Variants in MGAT4C observed in about 807,000 individuals in gnomAD.
The protein encoded by MGAT4C is MGAT4 family member C, also known as alpha-1,3-mannosyl-glycoprotein 4-beta-N-acetylglucosaminyltransferase C.
In MGAT4C, 19 loss-of-function variants were observed where a neutral mutation model predicts 40.1. The observed-to-expected ratio is 0.47, with a 90% CI of 0.33 to 0.70. MGAT4C has a LOEUF of 0.70. MGAT4C is among the 30% of genes least tolerant of loss of function. MGAT4C has a pLI of 0.02. For missense variants in MGAT4C, 491 were observed against 563.2 expected (o/e 0.87, Z 1.30); for synonymous variants, 181 against 187.1 (o/e 0.97, Z 0.27).
chr12:86,208,973 T>G (rs1407649431), intron 1 of MGAT4C, among the ~76,000 whole-genome samples: 2 of 152,168 alleles, frequency 1.3e-5, no homozygotes, highest in Non-Finnish European at 2.9e-5. Flanking sequence ...GATTCTCAAT[T>G]TTTCATTTGT....
chr12:86,184,001 G>A lies in MGAT4C; in HGVS notation c.-57+72238C>T, dbSNP rs138912372. 2.6e-4 allele frequency among the ~76,000 whole-genome samples: 40 copies of A among 152,214 alleles called. 1 individual carries two copies. Among genetic ancestry groups the A allele is most frequent in the African/African-American group, 8.4e-4 (35 of 41,530 alleles). On this transcript the variant is annotated intron_variant, in intron 1 of 4. Transcript: ENST00000611864. ...TATTGAAGAGAACAACGATTTGGTCGTCTGTGTGTATTCCATGTGTATATT... is the reference window on the plus strand; with the variant it reads ...TATTGAAGAGAACAACGATTTGGTCATCTGTGTGTATTCCATGTGTATATT...
At chr12:86,279,458 T>C (rs779424703) in intron 4 of MGAT4C, among the ~76,000 whole-genome samples, 3 of 152,148 alleles carry the variant, frequency 2.0e-5, no homozygotes, top group Admixed American at 2.0e-4. Flanking sequence ...TTCCTCATAG[T>C]AGCCACAAGT....
chr12:86,720,774 A>G (rs1950723479), intron 2 of MGAT4C, among the ~76,000 whole-genome samples: 1 of 152,234 alleles, frequency 6.6e-6, no homozygotes, highest in Non-Finnish European at 1.5e-5. Context: ...TAGCATGTTA[A>G]AAATGAAATT....
intron 1 of MGAT4C, among the ~76,000 whole-genome samples, chr12:86,096,527 A>G (rs2135584455): frequency 6.6e-6 from 1 of 150,458 alleles, no homozygotes; most frequent in East Asian, 2.0e-4. Context: ...TGTTTCTTCA[A>G]GTTTTACCTT....
chr12:86,207,882 A>G (rs1417647507), intron 1 of MGAT4C, among the ~76,000 whole-genome samples: 1 of 152,242 alleles, frequency 6.6e-6, no homozygotes, highest in African/African-American at 2.4e-5. Context: ...GGATATAAAA[A>G]TAGTAAGAAT....
At position 85,973,679 on chromosome 12, in the gene MGAT4C, G is replaced by T. The variant is rs369332317; in HGVS notation, c.*5610C>A. On this transcript the variant is annotated 3_prime_UTR_variant, in exon 5 of 5. Transcript: ENST00000611864. ...ATCATGCTATATTCTTAATTTAATT[G>T]TACTTCTATGGTCATATACAATTTA... 2 of 150,550 alleles carry T rather than the reference G, an allele frequency of 1.3e-5. No homozygotes were observed. The highest frequency in any genetic ancestry group is 4.9e-5 in the African/African-American group (2 of 41,186). The allele number at this position is 150,550 out of a possible 1,614,324, so 9.3% of individuals were successfully genotyped here. A position where few individuals can be genotyped will look rare whatever the true frequency, so the allele number is the denominator to read the frequency against.
chr12:86,244,332 G>T (rs1175447877), intron 1 of MGAT4C, among the ~76,000 whole-genome samples: 2 of 152,144 alleles, frequency 1.3e-5, no homozygotes, highest in Admixed American at 1.3e-4. Flanking sequence ...CACCATTGGG[G>T]CAGGAGACAG....
At chr12:86,575,924 T>A (rs563424162) in intron 2 of MGAT4C, among the ~76,000 whole-genome samples, 2 of 151,816 alleles carry the variant, frequency 1.3e-5, no homozygotes, top group Admixed American at 6.6e-5. Context: ...TCCATAGTGA[T>A]TTTACTAATT....
intron 2 of MGAT4C, among the ~76,000 whole-genome samples, chr12:86,724,500 G>A (rs1950790119): frequency 6.6e-6 from 1 of 152,122 alleles, no homozygotes; most frequent in South Asian, 2.1e-4. Context: ...ATTATATGGG[G>A]TATTTAAACA....
At chr12:86,750,928 G>T (rs1951223035) in intron 1 of MGAT4C, among the ~76,000 whole-genome samples, 1 of 151,904 alleles carries the variant, frequency 6.6e-6, no homozygotes, top group Admixed American at 6.6e-5. Context: ...AAGGAGTATG[G>T]CCTGGTCAGC....
chr12:86,651,883 T>G (rs1963708187), intron 2 of MGAT4C, among the ~76,000 whole-genome samples: 3 of 151,862 alleles, frequency 2.0e-5, no homozygotes, highest in Admixed American at 2.0e-4. Context: ...TGTTAAGGAT[T>G]ATTTTTAATT....
intron 2 of MGAT4C, among the ~76,000 whole-genome samples, chr12:86,006,452 T>A (rs1887886039): frequency 6.6e-6 from 1 of 152,130 alleles, no homozygotes; most frequent in South Asian, 2.1e-4. Context: ...TGGTCCTCAA[T>A]GAGCAAAAGA....
At chr12:86,408,083 C>A (rs922154603) in intron 3 of MGAT4C, among the ~76,000 whole-genome samples, 1 of 151,442 alleles carries the variant, frequency 6.6e-6, no homozygotes, top group African/African-American at 2.4e-5. Flanking sequence ...GGTATCAAGA[C>A]ACACACACAC....
At chr12:86,283,969 C>T (rs1953284099) in intron 4 of MGAT4C, among the ~76,000 whole-genome samples, 1 of 152,088 alleles carries the variant, frequency 6.6e-6, no homozygotes, top group Admixed American at 6.6e-5. Context: ...CTACTACAAA[C>T]ATTACATGTT....
chr12:86,360,095 G>A (rs555300557), intron 3 of MGAT4C, among the ~76,000 whole-genome samples: 9 of 152,020 alleles, frequency 5.9e-5, no homozygotes, highest in Middle Eastern at 3.4e-3. Flanking sequence ...AATAAAATAC[G>A]GGCAAACCAA....
chr12:86,081,852 G>C (rs780660546), intron 1 of MGAT4C, among the ~76,000 whole-genome samples: 2 of 152,096 alleles, frequency 1.3e-5, no homozygotes, highest in African/African-American at 4.8e-5. Context: ...ACAGGCTGTG[G>C]GTCCTGTCTC....
At chr12:86,316,501 G>A (rs769380506) in intron 4 of MGAT4C, among the ~76,000 whole-genome samples, 2 of 152,156 alleles carry the variant, frequency 1.3e-5, no homozygotes, top group African/African-American at 2.4e-5. Flanking sequence ...TAAAGAAAAT[G>A]TGGTACACAT....
intron 4 of MGAT4C, among the ~76,000 whole-genome samples, chr12:86,269,924 T>C (rs1425910338): frequency 6.6e-6 from 1 of 152,214 alleles, no homozygotes; most frequent in Non-Finnish European, 1.5e-5. Context: ...ATAAAGTTTA[T>C]TATTTTAAAC....
rs1324570572 is a variant in MGAT4C at position 85,958,331 on chromosome 12, C to G, written c.*20958G>C. ...CAGGAGTTCTTGGCCTCTCAAAGTA[C>G]CGGGATTACAGGCATGAGCCACCAC... On this transcript the variant is annotated 3_prime_UTR_variant, in exon 5 of 5. Coordinates refer to ENST00000611864, the MANE Select transcript of MGAT4C (RefSeq NM_001351288.2). 2.0e-5 allele frequency: 3 copies of G among 152,102 alleles called. No homozygotes were observed. Among genetic ancestry groups the G allele is most frequent in the African/African-American group, 7.2e-5 (3 of 41,396 alleles). The allele number at this position is 152,102 out of a possible 1,614,324, so 9.4% of individuals were successfully genotyped here. A position where few individuals can be genotyped will look rare whatever the true frequency, so the allele number is the denominator to read the frequency against.
Sources: allele counts gnomAD v4.1 joint callset (sites outside exome capture counted in the v4.1 genomes callset), GRCh38; gene constraint gnomAD v4.1.1; transcripts MANE v1.5; gene names NCBI Gene and HGNC (gene_info 2026-07-23, HGNC 2026-07-21).